Variants in ERCC6L2 observed in about 807,000 individuals in gnomAD.
ERCC6L2 encodes the protein DNA excision repair protein ERCC-6-like 2.
ERCC6L2 carries 77 observed loss-of-function variants against 132.0 expected under a neutral mutation model. That is an observed-to-expected ratio of 0.58 (90% CI 0.49 to 0.71). ERCC6L2 has a LOEUF of 0.71. ERCC6L2 is among the 30% of genes least tolerant of loss of function. The pLI is 0.00. For synonymous variants in ERCC6L2, 583 were observed against 632.4 expected (o/e 0.92, Z 1.17); for missense variants, 1,542 against 1,837.6 (o/e 0.84, Z 2.94).
chr9:95,878,962 C>T (rs530908576), intron 1 of ERCC6L2, among the ~76,000 whole-genome samples: 4 of 152,198 alleles, frequency 2.6e-5, no homozygotes, highest in African/African-American at 9.6e-5. Flanking sequence ...CCGCAATAAA[C>T]ATACGTGTGC....
At chr9:95,876,327 G>A in intron 1 of ERCC6L2, 1 of 456,514 alleles carries the variant, frequency 2.2e-6, no homozygotes, top group Non-Finnish European at 3.9e-6. Context: ...GCAACTTTGG[G>A]CAGGCTCCTC....
chr9:95,906,744 T>G (rs1829056875), intron 3 of ERCC6L2: 1 of 463,452 alleles, frequency 2.2e-6, no homozygotes, highest in Non-Finnish European at 4.3e-6. Flanking sequence ...TTTGAAGCTA[T>G]TACTGGGATC....
chr9:95,977,008 G>C (rs1361410959), intron 16 of ERCC6L2, among the ~76,000 whole-genome samples: 1 of 152,072 alleles, frequency 6.6e-6, no homozygotes. Flanking sequence ...TGGTTGGTGT[G>C]CTACAGTTAG....
chr9:95,942,383 A>T (rs1470584391), intron 12 of ERCC6L2, among the ~76,000 whole-genome samples: 1 of 152,202 alleles, frequency 6.6e-6, no homozygotes, highest in Non-Finnish European at 1.5e-5. Context: ...AAAAACAGAC[A>T]TTGAAGGGAA....
intron 18 of ERCC6L2, among the ~76,000 whole-genome samples, chr9:96,008,378 G>A (rs183170498): frequency 6.6e-6 from 1 of 152,282 alleles, no homozygotes; most frequent in East Asian, 1.9e-4. Flanking sequence ...TAAGTTTGGA[G>A]GGGGACTCCT....
chr9:95,936,380 G>A (rs1488854003), intron 11 of ERCC6L2, among the ~76,000 whole-genome samples: 1 of 152,086 alleles, frequency 6.6e-6, no homozygotes, highest in African/African-American at 2.4e-5. Flanking sequence ...AGAACATGTG[G>A]CATCCTGTTG....
chr9:95,930,464 G>A (rs1009012724), intron 11 of ERCC6L2, among the ~76,000 whole-genome samples: 4 of 152,018 alleles, frequency 2.6e-5, no homozygotes, highest in Admixed American at 6.6e-5. Flanking sequence ...AATATGTTGT[G>A]ACAGAAATGT....
intron 9 of ERCC6L2, 145 bp downstream of exon 9, chr9:95,923,524 G>C: frequency 1.2e-6 from 1 of 858,400 alleles, no homozygotes; most frequent in Non-Finnish European, 1.8e-6. Context: ...AATTGTATCA[G>C]CATTTACTAG....
At chr9:95,980,769 AAG>A (rs999948707) in intron 17 of ERCC6L2, among the ~76,000 whole-genome samples, 3 of 151,244 alleles carry the variant, frequency 2.0e-5, no homozygotes, top group African/African-American at 7.3e-5. Context: ...AGAATAAACA[AAG>A]AGAAAGGGAA....
intron 9 of ERCC6L2, among the ~76,000 whole-genome samples, chr9:95,926,341 G>A (rs1400408350): frequency 6.6e-6 from 1 of 152,140 alleles, no homozygotes; most frequent in East Asian, 1.9e-4. Flanking sequence ...GAACCTATGA[G>A]TTTATTTATA....
intron 19 of ERCC6L2, among the ~76,000 whole-genome samples, chr9:96,024,858 T>G (rs1452364953): frequency 6.6e-6 from 1 of 152,232 alleles, no homozygotes; most frequent in Non-Finnish European, 1.5e-5. Context: ...CTAACTCAGT[T>G]AATCGCATTG....
chr9:95,955,776 G>C (rs1831569048), intron 12 of ERCC6L2, 138 bp from the exon 13 acceptor site: 2 of 455,810 alleles, frequency 4.4e-6, no homozygotes, highest in African/African-American at 2.1e-5. Context: ...TTACTAAATA[G>C]AGCATATTTA....
At chr9:95,976,399 TC>T (rs1832673616) in intron 16 of ERCC6L2, among the ~76,000 whole-genome samples, 8 of 152,176 alleles carry the variant, frequency 5.3e-5, no homozygotes, top group Admixed American at 5.2e-4. Context: ...TCTTACTGTG[TC>T]CCCTCTGCAC....
rs14884 is a variant in ERCC6L2, at chr9:96,018,324, T to G, written c.*5121T>G. Among the ~76,000 whole-genome samples, 3 of 152,212 alleles carry G rather than the reference T, an allele frequency of 2.0e-5. No individual in the cohort carries two copies. Among genetic ancestry groups the G allele is most frequent in the Non-Finnish European group, 4.4e-5 (3 of 68,050 alleles). On this transcript the variant is annotated 3_prime_UTR_variant, in exon 19 of 19. Transcript: ENST00000653738. ...ATGTGTGTTATATACCAAATTTTGA[T>G]GTATGTGAGATTGCTGACTATATTT...
intron 14 of ERCC6L2, 43 bp from the exon 15 acceptor site, chr9:95,970,533 T>G (rs1832366640): frequency 8.3e-7 from 1 of 1,199,648 alleles, no homozygotes; most frequent in African/African-American, 1.6e-5. Flanking sequence ...TGCTACCCCC[T>G]GTGTTGCATA....
chr9:95,936,855 G>A (rs1039284612), intron 11 of ERCC6L2, among the ~76,000 whole-genome samples: 1 of 152,134 alleles, frequency 6.6e-6, no homozygotes, highest in Non-Finnish European at 1.5e-5. Flanking sequence ...AATCAAGAAT[G>A]TTATGTAAAG....
At chr9:95,928,679 C>A in intron 10 of ERCC6L2, 40 bp from the exon 11 acceptor site, 1 of 1,544,378 alleles carries the variant, frequency 6.5e-7, no homozygotes, top group Non-Finnish European at 8.7e-7. Context: ...ACTTACTTAA[C>A]CAAGATTCAT....
At chr9:96,032,979 C>T (rs1834479227) in intron 19 of ERCC6L2, among the ~76,000 whole-genome samples, 2 of 152,126 alleles carry the variant, frequency 1.3e-5, no homozygotes, top group African/African-American at 4.8e-5. Context: ...CGTCCAGGCT[C>T]GTGTGTCGGT....
chr9:95,902,330 A>G (rs1009907283), intron 3 of ERCC6L2, among the ~76,000 whole-genome samples: 3 of 152,168 alleles, frequency 2.0e-5, no homozygotes, highest in Non-Finnish European at 2.9e-5. Context: ...ACTATCTTGC[A>G]TGATGAAGCT....
Sources: allele counts gnomAD v4.1 joint callset (sites outside exome capture counted in the v4.1 genomes callset), GRCh38; gene constraint gnomAD v4.1.1; transcripts MANE v1.5; gene names NCBI Gene and HGNC (gene_info 2026-07-23, HGNC 2026-07-21).